Variants in SLIT3 observed in about 807,000 individuals in gnomAD.
SLIT3 encodes slit homolog 3 protein.
In SLIT3, 68 loss-of-function variants were observed where a neutral mutation model predicts 184.0. The observed-to-expected ratio is 0.37, with a 90% CI of 0.30 to 0.45. The LOEUF is 0.45. Among genes scored for constraint, SLIT3 ranks in the 20% least tolerant of loss-of-function variants. The pLI is 1.00. For missense variants in SLIT3, 1,707 were observed against 2,026.0 expected, an observed-to-expected ratio of 0.84 and a Z score of 3.02; for synonymous variants, 831 against 828.6, an observed-to-expected ratio of 1.00 and a Z score of -0.05.
chr5:168,755,628 G>A (rs1438969271), intron 16 of SLIT3, among the ~76,000 whole-genome samples: 1 of 151,846 alleles, frequency 6.6e-6, no homozygotes, highest in Non-Finnish European at 1.5e-5. Flanking sequence ...TAGAGATAGG[G>A]TTTCACCATG....
chr5:168,948,079 A>G (rs570578677), intron 4 of SLIT3, among the ~76,000 whole-genome samples: 1 of 152,176 alleles, frequency 6.6e-6, no homozygotes, highest in South Asian at 2.1e-4. Flanking sequence ...GGCCTGAGCC[A>G]CCATGCCTGG....
chr5:168,858,767 C>A (rs1241240478), intron 5 of SLIT3, among the ~76,000 whole-genome samples: 1 of 152,234 alleles, frequency 6.6e-6, no homozygotes. Flanking sequence ...AAGTTAATCA[C>A]CAAAGGTTTC....
chr5:169,012,683 G>A (rs1322537491), intron 4 of SLIT3: 2 of 152,150 alleles, frequency 1.3e-5, no homozygotes, highest in East Asian at 3.9e-4. Flanking sequence ...ACTAATTCTG[G>A]AAAGTTGCCC....
At chr5:169,099,285 G>A (rs1001587942) in intron 4 of SLIT3, among the ~76,000 whole-genome samples, 1 of 152,132 alleles carries the variant, frequency 6.6e-6, no homozygotes, top group Non-Finnish European at 1.5e-5. Context: ...CAGTGGCCTT[G>A]ACATACAAAC....
intron 4 of SLIT3, among the ~76,000 whole-genome samples, chr5:168,919,644 TA>T (rs967568718): frequency 1.5e-3 from 226 of 151,572 alleles, no homozygotes; most frequent in African/African-American, 4.8e-3. Flanking sequence ...GTAATTTTTT[TA>T]AAAAAAAAAC....
intron 22 of SLIT3, among the ~76,000 whole-genome samples, chr5:168,722,714 A>G (rs1262862297): frequency 6.6e-6 from 1 of 152,258 alleles, no homozygotes; most frequent in African/African-American, 2.4e-5. Flanking sequence ...AGCCTTCTTC[A>G]GAAGCGACGA....
At chr5:168,675,174 T>C (rs1169740763) in intron 32 of SLIT3, among the ~76,000 whole-genome samples, 1 of 151,604 alleles carries the variant, frequency 6.6e-6, no homozygotes, top group Non-Finnish European at 1.5e-5. Flanking sequence ...CTCTGAGGAG[T>C]AGACTGAGCT....
At chr5:169,179,970 G>T (rs11134561) in intron 4 of SLIT3, among the ~76,000 whole-genome samples, 16,799 of 152,070 alleles carry the variant, frequency 0.11, 1,856 homozygotes, top group African/African-American at 0.27. Context: ...TCTATGGGGG[G>T]ATGAAAGAGC....
At chr5:169,072,408 G>A (rs1196068769) in intron 4 of SLIT3, among the ~76,000 whole-genome samples, 1 of 152,214 alleles carries the variant, frequency 6.6e-6, no homozygotes, top group Non-Finnish European at 1.5e-5. Flanking sequence ...CCAATGGGTG[G>A]AGAGGAGCAA....
chr5:168,868,024 A>G (rs1302325092), intron 5 of SLIT3, among the ~76,000 whole-genome samples: 1 of 152,208 alleles, frequency 6.6e-6, no homozygotes, highest in Admixed American at 6.5e-5. Context: ...TTAGGTGCCA[A>G]CATCTCAAAA....
intron 4 of SLIT3, among the ~76,000 whole-genome samples, chr5:169,010,956 G>T (rs2113454984): frequency 6.6e-6 from 1 of 151,438 alleles, no homozygotes; most frequent in Admixed American, 6.6e-5. Flanking sequence ...TTTACAGTAT[G>T]AAGCCCCTTC....
intron 20 of SLIT3, among the ~76,000 whole-genome samples, chr5:168,736,781 A>G (rs1207730821): frequency 6.6e-6 from 1 of 152,196 alleles, no homozygotes; most frequent in Non-Finnish European, 1.5e-5. Flanking sequence ...CCAGCAAGCC[A>G]GGCCACTGGG....
In SLIT3 at chr5:168,798,223, C is replaced by CTTTTTTTTTTTTTTTTTTTT. The variant is rs747746239; in HGVS notation, c.936-2646_936-2645insAAAAAAAAAAAAAAAAAAAA. Among the ~76,000 whole-genome samples, 160 of 108,990 alleles carry CTTTTTTTTTTTTTTTTTTTT rather than the reference C, an allele frequency of 1.5e-3. 8 individuals are homozygous for CTTTTTTTTTTTTTTTTTTTT. Among genetic ancestry groups the CTTTTTTTTTTTTTTTTTTTT allele is most frequent in the African/African-American group, 7.1e-3 (155 of 21,950 alleles). The allele number at this position is 108,990 out of a possible 152,430, so 71.5% of individuals were successfully genotyped here. A position where few individuals can be genotyped will look rare whatever the true frequency, so the allele number is the denominator to read the frequency against. On this transcript the variant is annotated intron_variant, in intron 9 of 35. Transcript: ENST00000519560. ...TTGGTTTTCTTTTCTTCTTCTTCTT[C>CTTTTTTTTTTTTTTTTTTTT]TTTTTTTTTTTTTTTTAAGAGACAG...
rs542764911 is a variant in SLIT3 at position 169,208,858 on chromosome 5, G to A, written c.342-15308C>T. The stretch of plus-strand genomic sequence containing the variant: ...CCCTAAAACCATAAAAACCCTACAA[G>A]AAAACCTAGGCAATACAATTCAGGA... On this transcript the variant is annotated intron_variant, in intron 3 of 35. Transcript: ENST00000519560. Among the ~76,000 whole-genome samples the A allele has an allele frequency of 1.5e-4, 23 of 152,244 alleles. 1 individual carries two copies. The South Asian group carries it at 3.9e-3, about 26-fold the overall frequency.
At chr5:168,753,128 C>A in intron 17 of SLIT3, 30 bp from the exon 18 acceptor site, 1 of 1,611,544 alleles carries the variant, frequency 6.2e-7, no homozygotes, top group Middle Eastern at 1.7e-4. Flanking sequence ...GATGAGAGAG[C>A]ACAGGCATGA....
chr5:169,190,613 G>T (rs1202025506), intron 4 of SLIT3, among the ~76,000 whole-genome samples: 1 of 152,112 alleles, frequency 6.6e-6, no homozygotes, highest in Non-Finnish European at 1.5e-5. Flanking sequence ...ATAGTCTTCA[G>T]ATAAACACGA....
intron 4 of SLIT3, among the ~76,000 whole-genome samples, chr5:169,028,527 T>C (rs911785523): frequency 6.6e-6 from 1 of 152,268 alleles, no homozygotes; most frequent in East Asian, 1.9e-4. Context: ...AAGTGCCTTG[T>C]ACAGTGCCTG....
intron 5 of SLIT3, among the ~76,000 whole-genome samples, chr5:168,860,885 C>T (rs1759078417): frequency 6.6e-6 from 1 of 152,216 alleles, no homozygotes; most frequent in African/African-American, 2.4e-5. Flanking sequence ...TTCTGCCCGA[C>T]TCTGGTGCTT....
chr5:169,162,222 C>G (rs909007242), intron 4 of SLIT3, among the ~76,000 whole-genome samples: 10 of 152,116 alleles, frequency 6.6e-5, no homozygotes, highest in East Asian at 1.9e-4. Flanking sequence ...GGTCCAAGAC[C>G]AGCTGGGATC....
Sources: gnomAD v4.1 joint callset for allele counts (sites outside exome capture counted in the v4.1 genomes callset) on GRCh38, gnomAD v4.1.1 for gene constraint, MANE v1.5 for transcripts, NCBI Gene and HGNC (gene_info 2026-07-23, HGNC 2026-07-21) for gene names.